TSPAN10: variants seen among roughly 807,000 people sequenced by gnomAD.
TSPAN10 encodes the protein tetraspanin 10.
TSPAN10 carries 11 observed loss-of-function variants against 15.0 expected under a neutral mutation model. The ratio of observed to expected loss-of-function variants is 0.73; its 90% CI spans 0.46 to 1.21. TSPAN10 has a LOEUF of 1.21. TSPAN10 is among the 50% of genes most tolerant of loss of function. The probability of loss-of-function intolerance (pLI) is 0.00; values close to 1 mark genes in which losing one functional copy is unlikely to be tolerated. For missense variants in TSPAN10, 486 were observed against 470.6 expected (o/e 1.03, Z -0.30); for synonymous variants, 241 against 226.2 (o/e 1.07, Z -0.59).
intron 2 of TSPAN10, chr17:81,645,904 A>G: frequency 1.7e-6 from 1 of 583,892 alleles, no homozygotes; most frequent in Non-Finnish European, 3.0e-6. Flanking sequence ...GCACACACTC[A>G]CACTCAAACA....
chr17:81,641,942 G>A (rs77740144), upstream of TSPAN10, among the ~76,000 whole-genome samples: 14,874 of 152,166 alleles, frequency 0.098, 968 homozygotes, highest in Middle Eastern at 0.19. Flanking sequence ...TGAACAAGCC[G>A]GGGGATAGAT....
At chr17:81,647,920 C>G (rs1057251337) in exon 3 of TSPAN10, 25 of 1,606,036 alleles carry the variant, frequency 1.6e-5, no homozygotes, top group Non-Finnish European at 2.1e-5. Flanking sequence ...CTGCAGCTCC[C>G]CCGGGGTGCA....
upstream of TSPAN10, among the ~76,000 whole-genome samples, chr17:81,640,574 A>C (rs7211615): frequency 6.6e-6 from 1 of 151,766 alleles, no homozygotes; most frequent in African/African-American, 2.4e-5. Flanking sequence ...TCAGCCTCCC[A>C]TGTAGCTGGG....
downstream of TSPAN10, chr17:81,648,697 A>G (rs2036296329): frequency 1.2e-5 from 2 of 169,366 alleles, no homozygotes; most frequent in Non-Finnish European, 2.5e-5. Flanking sequence ...TTGGGGAGAT[A>G]GTAAATGTTT....
exon 2 of TSPAN10, chr17:81,645,103 C>T (rs2036226853): frequency 1.9e-6 from 3 of 1,589,170 alleles, no homozygotes; most frequent in Non-Finnish European, 2.6e-6. Context: ...CTGCTGTCCC[C>T]CGGAGACCAA....
intron 2 of TSPAN10, chr17:81,647,457 G>T (rs1254929516): frequency 6.5e-6 from 3 of 464,236 alleles, no homozygotes; most frequent in South Asian, 1.5e-5. Flanking sequence ...TCACTGCCAG[G>T]TACTGCCTCT....
exon 2 of TSPAN10, chr17:81,645,346 G>C: frequency 1.3e-6 from 2 of 1,579,378 alleles, no homozygotes; most frequent in Non-Finnish European, 1.7e-6. Flanking sequence ...AGGGCTGGTG[G>C]TCAGCGCAGT....
At chr17:81,647,183 G>A (rs893012991) in intron 2 of TSPAN10, among the ~76,000 whole-genome samples, 3 of 152,166 alleles carry the variant, frequency 2.0e-5, no homozygotes, top group Admixed American at 6.6e-5. Flanking sequence ...TTTTGGCCAC[G>A]TGTGACTGGG....
exon 3 of TSPAN10, chr17:81,648,024 T>G: frequency 1.2e-6 from 2 of 1,606,154 alleles, no homozygotes. Context: ...TGCGCCTGGA[T>G]GCGGACGCAG....
At chr17:81,638,955 C>A (rs1394706003), upstream of TSPAN10, 1 of 151,916 alleles carries the variant, frequency 6.6e-6, no homozygotes, top group East Asian at 1.9e-4. Flanking sequence ...CAGTCTTGTC[C>A]CCAGGTAGGA....
At chr17:81,645,376 G>C in exon 2 of TSPAN10, 2 of 1,597,080 alleles carry the variant, frequency 1.3e-6, no homozygotes, top group Non-Finnish European at 1.7e-6. Flanking sequence ...TGGCTACCTG[G>C]GCGCCCTCTG....
At chr17:81,645,558 C>T (rs2036240239) in exon 2 of TSPAN10, 3 of 1,611,278 alleles carry the variant, frequency 1.9e-6, no homozygotes, top group East Asian at 2.2e-5. Flanking sequence ...ACCTGCGCTT[C>T]CTCCTCGACC....
chr17:81,644,897 C>A, intron 1 of TSPAN10, 95 bp from the exon 3 acceptor site: 2 of 1,532,048 alleles, frequency 1.3e-6, no homozygotes, highest in Non-Finnish European at 1.8e-6. Flanking sequence ...TCCCATCCCT[C>A]GAAGGCTCTG....
chr17:81,644,611 G>A (rs931915995), intron 1 of TSPAN10, among the ~76,000 whole-genome samples: 5 of 152,212 alleles, frequency 3.3e-5, no homozygotes, highest in Admixed American at 6.5e-5. Flanking sequence ...TGTGTGCTGC[G>A]GGAAAGCCAG....
In TSPAN10 at chr17:81,648,003, C is replaced by A. The variant is rs763039672; in HGVS notation, c.777C>A (p.Gly259=). Residue 259 remains glycine (G), a synonymous_variant, in exon 3 of 3, where the codon GGC becomes GGA. Coordinates refer to ENST00000611590, the Ensembl canonical transcript of TSPAN10. ...GAGCCTCTGTCAACGACCAGTGCGGCTTCGGGGTCCTGCGCCTGGATGCGG... is the reference window on the plus strand; with the variant it reads ...GAGCCTCTGTCAACGACCAGTGCGGATTCGGGGTCCTGCGCCTGGATGCGG... The A allele has an allele frequency of 1.1e-5, 18 of 1,610,144 alleles. No homozygotes were observed. The Admixed American group carries it at 2.2e-4, about 19-fold the overall frequency.
intron 2 of TSPAN10, among the ~76,000 whole-genome samples, chr17:81,647,197 G>C (rs947443277): frequency 2.0e-5 from 3 of 152,182 alleles, no homozygotes; most frequent in Non-Finnish European, 4.4e-5. Flanking sequence ...GACTGGGTTG[G>C]TGGCAGTCCC....
At chr17:81,637,261 C>A (rs181873860) in exon 1 of TSPAN10, 5 of 529,288 alleles carry the variant, frequency 9.4e-6, no homozygotes, top group African/African-American at 3.9e-5. Flanking sequence ...TACTTCTGCT[C>A]GTCCTCGGAA....
downstream of TSPAN10, chr17:81,648,296 C>G: frequency 8.3e-7 from 1 of 1,206,994 alleles, no homozygotes; most frequent in Non-Finnish European, 1.0e-6. Context: ...CGGGGCTGAG[C>G]GCACGCCCCG....
At chr17:81,640,757 C>T (rs981276701), upstream of TSPAN10, among the ~76,000 whole-genome samples, 1 of 152,070 alleles carries the variant, frequency 6.6e-6, no homozygotes, top group Non-Finnish European at 1.5e-5. Context: ...CCCTAATGGC[C>T]TTTAAAGGCC....
Sources: allele counts gnomAD v4.1 joint callset (sites outside exome capture counted in the v4.1 genomes callset), GRCh38; gene constraint gnomAD v4.1.1; transcripts MANE v1.5; gene names NCBI Gene and HGNC (gene_info 2026-07-23, HGNC 2026-07-21).